SYN2: variants seen among roughly 807,000 people sequenced by gnomAD.
SYN2 encodes the protein synapsin II, also known as synapsin-2.
A neutral mutation model predicts 50.9 loss-of-function variants in SYN2; 19 were observed. The ratio of observed to expected loss-of-function variants is 0.37; its 90% CI spans 0.26 to 0.55. The LOEUF (loss-of-function observed/expected upper bound fraction) is 0.55. Among genes scored for constraint, SYN2 ranks in the 20% least tolerant of loss-of-function variants. The pLI is 0.81. For missense variants in SYN2, 587 were observed against 576.4 expected, an observed-to-expected ratio of 1.02 and a Z score of -0.19; for synonymous variants, 255 against 224.9, an observed-to-expected ratio of 1.13 and a Z score of -1.20.
At chr3:12,173,029 G>C (rs980444525) in intron 10 of SYN2, among the ~76,000 whole-genome samples, 3 of 152,208 alleles carry the variant, frequency 2.0e-5, no homozygotes, top group African/African-American at 7.2e-5. Context: ...TAAAGTTGCT[G>C]TCCAAAAGAT....
chr3:12,004,738 C>G lies in SYN2; in HGVS notation c.187C>G (p.Pro63Ala). 4.7e-6 allele frequency: 1 copy of G among 214,308 alleles called. No homozygotes were observed. 13.3% of individuals were successfully genotyped at this position (214,308 alleles called of 1,614,324 possible). The change falls in exon 1 of 13, where the codon CCG (proline) becomes GCG (alanine). Residue 63 changes from proline (P) to alanine (A), a missense_variant. Transcript: ENST00000621198. ...TASPGPERRP[P>A]PASAPAPQPA... ...CTCGCCGGGCCCGGAGCGGAGGCCG[C>G]CGCCCGCCTCGGCGCCCGCGCCGCA...
rs1697354886 is a variant in SYN2, at chr3:12,153,191, C to T, written c.774+1865C>T. On this transcript the variant is annotated intron_variant, in intron 5 of 12. Coordinates refer to ENST00000621198, the MANE Select transcript of SYN2 (RefSeq NM_133625.6). The stretch of plus-strand genomic sequence containing the variant: ...ATTCGCCATTTCTCCCCTACCAGAT[C>T]GATTAAGACAAAGGAAAACACATAT... 29 of 408,752 alleles carry T rather than the reference C, an allele frequency of 7.1e-5. No homozygotes were observed. In the South Asian group the frequency reaches 7.3e-4, roughly 10 times the overall value. 25.3% of individuals were successfully genotyped at this position (408,752 alleles called of 1,614,324 possible).
intron 5 of SYN2, chr3:12,153,722 T>G: frequency 6.2e-7 from 1 of 1,614,134 alleles, no homozygotes; most frequent in Non-Finnish European, 8.5e-7. Context: ...TCTAGAGTCA[T>G]GGCCACACAA....
chr3:12,160,145 G>A (rs1236234011), intron 5 of SYN2, among the ~76,000 whole-genome samples: 4 of 151,886 alleles, frequency 2.6e-5, no homozygotes, highest in Non-Finnish European at 5.9e-5. Context: ...GCACAGTGTT[G>A]CAAGCCTCCA....
At chr3:12,067,864 C>T (rs907759923) in intron 1 of SYN2, among the ~76,000 whole-genome samples, 1 of 152,114 alleles carries the variant, frequency 6.6e-6, no homozygotes, top group Non-Finnish European at 1.5e-5. Context: ...AGTTTGATAC[C>T]AGCATGGGCA....
intron 1 of SYN2, among the ~76,000 whole-genome samples, chr3:12,136,427 A>G (rs1209195425): frequency 6.6e-6 from 1 of 152,218 alleles, no homozygotes; most frequent in South Asian, 2.1e-4. Flanking sequence ...TCAGAGACGC[A>G]TTATTTGCCC....
chr3:12,078,136 A>G (rs1054774218), intron 1 of SYN2, among the ~76,000 whole-genome samples: 3 of 151,944 alleles, frequency 2.0e-5, no homozygotes, highest in African/African-American at 7.3e-5. Flanking sequence ...GTGTCTGTTC[A>G]TATCTTTTGC....
At chr3:12,164,144 A>G (rs1017213366) in intron 7 of SYN2, among the ~76,000 whole-genome samples, 111 of 152,182 alleles carry the variant, frequency 7.3e-4, no homozygotes, top group Admixed American at 1.4e-3. Flanking sequence ...AGAAGCAAAA[A>G]AATATATACC....
chr3:12,064,213 A>G (rs1695165606), intron 1 of SYN2, among the ~76,000 whole-genome samples: 1 of 152,058 alleles, frequency 6.6e-6, no homozygotes, highest in Non-Finnish European at 1.5e-5. Context: ...GCCAATACTT[A>G]TTAAAACTGT....
chr3:12,128,772 G>A (rs1323375071), intron 1 of SYN2, among the ~76,000 whole-genome samples: 2 of 152,168 alleles, frequency 1.3e-5, no homozygotes, highest in East Asian at 1.9e-4. Flanking sequence ...AAGAACTCAC[G>A]CAGGAAAGTT....
At chr3:12,163,553 G>A (rs73813140) in intron 7 of SYN2, among the ~76,000 whole-genome samples, 4 of 151,984 alleles carry the variant, frequency 2.6e-5, no homozygotes, top group Non-Finnish European at 5.9e-5. Context: ...TCCAGACTCT[G>A]AGTTCCTTGT....
rs867092847 is a variant in SYN2, at chr3:12,111,027, T to C, written c.378-29624T>C. 1.9e-4 allele frequency among the ~76,000 whole-genome samples: 29 copies of C among 152,220 alleles called. 1 individual carries two copies. Among genetic ancestry groups the C allele is most frequent in the South Asian group, 1.9e-3 (9 of 4,808 alleles). On this transcript the variant is annotated intron_variant, in intron 1 of 12. Transcript: ENST00000621198. ...TGGTTGGTTTTGAAATGTGAGGACATGAGGTTTGGGAGGAGCCAGGGGTGG... is the reference window on the plus strand; with the variant it reads ...TGGTTGGTTTTGAAATGTGAGGACACGAGGTTTGGGAGGAGCCAGGGGTGG...
intron 1 of SYN2, among the ~76,000 whole-genome samples, chr3:12,084,900 A>G (rs900171786): frequency 1.3e-5 from 2 of 152,290 alleles, no homozygotes; most frequent in African/African-American, 2.4e-5. Context: ...ACAAAAGATA[A>G]AAAGAAAGGA....
At chr3:12,085,301 C>T (rs2125177457) in intron 1 of SYN2, among the ~76,000 whole-genome samples, 1 of 151,620 alleles carries the variant, frequency 6.6e-6, no homozygotes, top group Middle Eastern at 3.4e-3. Context: ...GTAAAGAGGT[C>T]AACTCATCAA....
chr3:12,179,706 A>G (rs751571824), intron 10 of SYN2, among the ~76,000 whole-genome samples: 1 of 152,160 alleles, frequency 6.6e-6, no homozygotes, highest in Non-Finnish European at 1.5e-5. Flanking sequence ...ACTTCTAACC[A>G]TCCTATTTGC....
At chr3:12,167,508 A>G (rs951733865) in intron 8 of SYN2, among the ~76,000 whole-genome samples, 200 bp downstream of exon 8, 2 of 152,214 alleles carry the variant, frequency 1.3e-5, no homozygotes, top group African/African-American at 2.4e-5. Flanking sequence ...AAGACTGCAC[A>G]TACCATAGGT....
chr3:12,090,718 C>A (rs1695807709), intron 1 of SYN2, among the ~76,000 whole-genome samples: 1 of 152,128 alleles, frequency 6.6e-6, no homozygotes, highest in South Asian at 2.1e-4. Context: ...AACTCTACTT[C>A]CTATTGTTCC....
At position 12,184,847 on chromosome 3, in the gene SYN2, A is replaced by G. The variant is rs543598716; in HGVS notation, c.1369+1475A>G. On this transcript the variant is annotated intron_variant, in intron 11 of 12. Coordinates refer to ENST00000621198, the MANE Select transcript of SYN2 (RefSeq NM_133625.6). ...CAAGCAGCCGCCTCTAACAAACACC[A>G]TGGTCCGTGGAAGTTCATGCCAGCA... is the stretch of plus-strand genomic sequence containing the variant. 5.5e-5 allele frequency: 54 copies of G among 985,726 alleles called. No individual in the cohort carries two copies. The Admixed American group carries it at 9.8e-4, about 18-fold the overall frequency. The allele number at this position is 985,726 out of a possible 1,614,324, so 61.1% of individuals were successfully genotyped here. A position where few individuals can be genotyped will look rare whatever the true frequency, so the allele number is the denominator to read the frequency against.
intron 1 of SYN2, among the ~76,000 whole-genome samples, chr3:12,114,432 A>G (rs1054832919): frequency 6.6e-6 from 1 of 152,022 alleles, no homozygotes; most frequent in Non-Finnish European, 1.5e-5. Flanking sequence ...TGATGCCCAG[A>G]GTTTTTACTC....
Sources: gnomAD v4.1 joint callset for allele counts (sites outside exome capture counted in the v4.1 genomes callset) on GRCh38, gnomAD v4.1.1 for gene constraint, MANE v1.5 for transcripts, NCBI Gene and HGNC (gene_info 2026-07-23, HGNC 2026-07-21) for gene names.